The following AGBL1 variants were observed in gnomAD, a reference collection of about 807,000 sequenced individuals.
AGBL1 encodes cytosolic carboxypeptidase 4.
A neutral mutation model predicts 118.9 loss-of-function variants in AGBL1; 130 were observed. The ratio of observed to expected loss-of-function variants is 1.09; its 90% CI spans 0.95 to 1.26. The LOEUF is 1.26. Ranked by LOEUF, AGBL1 falls within the 50% of genes most tolerant of loss-of-function variation. The pLI is 0.00. For missense variants in AGBL1, 1,584 were observed against 1,298.1 expected (o/e 1.22, Z -3.38); for synonymous variants, 555 against 478.9 (o/e 1.16, Z -2.08).
intron 17 of AGBL1, among the ~76,000 whole-genome samples, chr15:86,378,900 G>GTTTTTTTT (rs113439108): frequency 2.8e-5 from 4 of 144,108 alleles, no homozygotes; most frequent in African/African-American, 2.5e-5. Flanking sequence ...GATCACTTTA[G>GTTTTTTTT]TTTTTTTTTT....
intron 22 of AGBL1, among the ~76,000 whole-genome samples, chr15:86,783,776 C>T (rs2078368995): frequency 6.6e-6 from 1 of 152,134 alleles, no homozygotes; most frequent in African/African-American, 2.4e-5. Context: ...ATTACAGGTG[C>T]ATGCCACCAC....
chr15:86,760,217 G>A (rs541304709), intron 22 of AGBL1, among the ~76,000 whole-genome samples: 2 of 152,166 alleles, frequency 1.3e-5, no homozygotes, highest in African/African-American at 2.4e-5. Flanking sequence ...AAAATGAGAA[G>A]CAGGGGCAGA....
chr15:86,697,656 G>T (rs2086285320), intron 22 of AGBL1, among the ~76,000 whole-genome samples: 1 of 151,794 alleles, frequency 6.6e-6, no homozygotes, highest in South Asian at 2.1e-4. Context: ...GAGTGTTAAA[G>T]AACCTTGTTT....
At chr15:86,437,360 C>G (rs1025405) in intron 18 of AGBL1, among the ~76,000 whole-genome samples, 66,624 of 151,914 alleles carry the variant, frequency 0.44, 15,263 homozygotes, top group East Asian at 0.83. Context: ...AAAGAGAAAG[C>G]GCTTAAATAA....
intron 21 of AGBL1, among the ~76,000 whole-genome samples, chr15:86,641,880 G>GGATGTGCTTGGTCA (rs1567098550): frequency 6.6e-6 from 1 of 152,188 alleles, no homozygotes; most frequent in Admixed American, 6.5e-5. Context: ...TCAGGCTCAT[G>GGATGTGCTTGGTCA]GATGTGCTTG....
At chr15:86,722,575 G>A (rs1029883638) in intron 22 of AGBL1, among the ~76,000 whole-genome samples, 89 of 152,254 alleles carry the variant, frequency 5.8e-4, no homozygotes, top group African/African-American at 1.8e-3. Context: ...CCTAGGCAAT[G>A]CCATTCAGGA....
chr15:86,273,121 A>G (rs982602639), intron 15 of AGBL1, among the ~76,000 whole-genome samples: 6 of 150,182 alleles, frequency 4.0e-5, no homozygotes, highest in East Asian at 3.9e-4. Context: ...TTGGACAAAC[A>G]TAACATTTCC....
At chr15:86,247,032 C>A (rs2141990614) in intron 6 of AGBL1, among the ~76,000 whole-genome samples, 1 of 152,258 alleles carries the variant, frequency 6.6e-6, no homozygotes, top group East Asian at 1.9e-4. Context: ...CTTTCATATA[C>A]TCTAATTATG....
At chr15:86,728,549 G>A (rs1360576817) in intron 22 of AGBL1, among the ~76,000 whole-genome samples, 1 of 152,026 alleles carries the variant, frequency 6.6e-6, no homozygotes, top group Non-Finnish European at 1.5e-5. Flanking sequence ...AGAGCCTTGT[G>A]GAGCCATACT....
chr15:86,775,764 A>C (rs549666445), intron 22 of AGBL1, among the ~76,000 whole-genome samples: 31 of 152,152 alleles, frequency 2.0e-4, no homozygotes, highest in Non-Finnish European at 4.1e-4. Flanking sequence ...AATTGTTTAC[A>C]TTTTATTTAT....
chr15:86,248,408 G>A (rs948454020), intron 7 of AGBL1, among the ~76,000 whole-genome samples: 8 of 152,158 alleles, frequency 5.3e-5, no homozygotes, highest in African/African-American at 1.9e-4. Flanking sequence ...ACTACCAGAG[G>A]TGCAGTGTAT....
intron 18 of AGBL1, among the ~76,000 whole-genome samples, chr15:86,415,956 C>T (rs1567245823): frequency 6.6e-6 from 1 of 152,142 alleles, no homozygotes; most frequent in African/African-American, 2.4e-5. Flanking sequence ...GCCTATATGT[C>T]ATAGTATTTT....
chr15:86,603,111 T>A (rs1472879358), intron 21 of AGBL1, among the ~76,000 whole-genome samples: 1 of 152,174 alleles, frequency 6.6e-6, no homozygotes, highest in Non-Finnish European at 1.5e-5. Context: ...ATTTCTGGCA[T>A]CTCTCAGCCA....
chr15:86,258,888 G>C (rs1018299830), intron 9 of AGBL1, among the ~76,000 whole-genome samples: 4 of 152,104 alleles, frequency 2.6e-5, no homozygotes, highest in African/African-American at 9.7e-5. Flanking sequence ...TGTATTTTTA[G>C]TAGAAACAGG....
At chr15:86,927,053 C>T (rs968641856) in intron 23 of AGBL1, among the ~76,000 whole-genome samples, 3 of 151,786 alleles carry the variant, frequency 2.0e-5, no homozygotes, top group Non-Finnish European at 2.9e-5. Flanking sequence ...GCAGGAGAAT[C>T]GCTTGAACCC....
chr15:86,099,413 C>G (rs1018876572), intron 1 of AGBL1, among the ~76,000 whole-genome samples: 1 of 152,024 alleles, frequency 6.6e-6, no homozygotes, highest in African/African-American at 2.4e-5. Flanking sequence ...GTTTTGTATC[C>G]TGTCACTTTA....
At chr15:86,277,578 C>G (rs1262620055) in intron 15 of AGBL1, among the ~76,000 whole-genome samples, 2 of 152,056 alleles carry the variant, frequency 1.3e-5, no homozygotes, top group Non-Finnish European at 2.9e-5. Context: ...TTGCTGTCTC[C>G]TGTGGTTGAA....
chr15:86,380,935 AGT>A lies in AGBL1; in HGVS notation c.2375-16408_2375-16407del, dbSNP rs139872296. 5.4e-3 allele frequency among the ~76,000 whole-genome samples: 807 copies of A among 149,188 alleles called. 6 individuals carry two copies. The highest frequency in any genetic ancestry group is 0.018 in the African/African-American group (717 of 40,876). On this transcript the variant is annotated intron_variant, in intron 17 of 22. Coordinates refer to ENST00000614907, the MANE Select transcript of AGBL1 (RefSeq NM_001386094.1). Reference sequence around the variant, plus strand: ...TTGTTCTAATCCACATTACTTATAAAGTGTGTGTGTGTGTGTGTGTGTGTACC... The same window carrying A: ...TTGTTCTAATCCACATTACTTATAAAGTGTGTGTGTGTGTGTGTGTGTACC...
chr15:86,356,691 C>T (rs1352577939), intron 17 of AGBL1, among the ~76,000 whole-genome samples: 1 of 152,094 alleles, frequency 6.6e-6, no homozygotes, highest in Non-Finnish European at 1.5e-5. Flanking sequence ...GGCTACAGTT[C>T]CTGAGACAAG....
Sources: allele counts gnomAD v4.1 joint callset (sites outside exome capture counted in the v4.1 genomes callset), GRCh38; gene constraint gnomAD v4.1.1; transcripts MANE v1.5; gene names NCBI Gene and HGNC (gene_info 2026-07-23, HGNC 2026-07-21).